Variants in LRRTM4 observed in about 807,000 individuals in gnomAD.
LRRTM4 encodes leucine-rich repeat transmembrane neuronal protein 4.
In LRRTM4, 25 loss-of-function variants were observed where a neutral mutation model predicts 47.6. The observed-to-expected ratio is 0.53, with a 90% confidence interval of 0.38 to 0.73. LRRTM4 has a LOEUF of 0.73. Ranked by LOEUF, LRRTM4 falls within the 30% of genes least tolerant of loss-of-function variation. The pLI, the probability that LRRTM4 is intolerant of heterozygous loss-of-function variation, is 0.00. For synonymous variants in LRRTM4, 311 were observed against 269.5 expected, an observed-to-expected ratio of 1.15 and a Z score of -1.51; for missense variants, 638 against 713.4, an observed-to-expected ratio of 0.89 and a Z score of 1.20.
At chr2:77,032,546 G>T (rs13420060) in intron 3 of LRRTM4, among the ~76,000 whole-genome samples, 11,519 of 151,946 alleles carry the variant, frequency 0.076, 1,015 homozygotes, top group African/African-American at 0.2. Context: ...TTGAATAATT[G>T]AATAAATAAT....
intron 3 of LRRTM4, among the ~76,000 whole-genome samples, chr2:76,928,955 G>C (rs1051610638): frequency 6.6e-6 from 1 of 152,090 alleles, no homozygotes; most frequent in Non-Finnish European, 1.5e-5. Context: ...ATGTAATATA[G>C]TATGTTCTCA....
At chr2:77,116,103 T>A (rs1056681914) in intron 3 of LRRTM4, among the ~76,000 whole-genome samples, 1 of 152,126 alleles carries the variant, frequency 6.6e-6, no homozygotes, top group Non-Finnish European at 1.5e-5. Flanking sequence ...GATAACTCAA[T>A]TTAAGAGTCT....
chr2:76,982,900 G>A (rs555919164), intron 3 of LRRTM4, among the ~76,000 whole-genome samples: 8 of 151,992 alleles, frequency 5.3e-5, no homozygotes, highest in Non-Finnish European at 1.0e-4. Context: ...AATTCTTACA[G>A]ACATGGCTCT....
rs184352429 is a variant in LRRTM4 at position 76,940,543 on chromosome 2, C to A, written c.1552-191627G>T. 2.5e-3 allele frequency among the ~76,000 whole-genome samples: 376 copies of A among 152,150 alleles called. 2 individuals carry two copies. The highest frequency in any genetic ancestry group is 0.017 in the Middle Eastern group (5 of 294). On this transcript the variant is annotated intron_variant, in intron 3 of 3. Coordinates refer to ENST00000409884, the MANE Select transcript of LRRTM4 (RefSeq NM_001134745.3). ...GGAAAAATAACGAATGGGTACTAGGCTTAACACATGGGTGACAAAATAATC... is the reference window on the plus strand; with the variant it reads ...GGAAAAATAACGAATGGGTACTAGGATTAACACATGGGTGACAAAATAATC...
At chr2:77,244,085 A>G (rs1675355395) in intron 3 of LRRTM4, among the ~76,000 whole-genome samples, 2 of 132,636 alleles carry the variant, frequency 1.5e-5, no homozygotes, top group Non-Finnish European at 3.2e-5. Flanking sequence ...CCATGTCCCT[A>G]CAAAGGACAT....
rs1438874927 is a variant in LRRTM4 at position 76,803,334 on chromosome 2, A to G, written c.1552-54418T>C. Among the ~76,000 whole-genome samples the G allele has an allele frequency of 2.0e-5, 3 of 152,178 alleles. No homozygotes were observed. The East Asian group carries it at 5.8e-4, about 29-fold the overall frequency. On this transcript the variant is annotated intron_variant, in intron 3 of 3. Transcript: ENST00000409884. ...AATAAGACAAACAAATAGCCAATTA[A>G]TATATGCAAAAATGCCCAACATTAC...
intron 3 of LRRTM4, among the ~76,000 whole-genome samples, chr2:77,116,105 TAA>T (rs896635204): frequency 6.6e-6 from 1 of 152,144 alleles, no homozygotes; most frequent in African/African-American, 2.4e-5. Context: ...TAACTCAATT[TAA>T]GAGTCTTGCC....
At chr2:77,098,583 GC>G (rs1670870115) in intron 3 of LRRTM4, among the ~76,000 whole-genome samples, 1 of 151,944 alleles carries the variant, frequency 6.6e-6, no homozygotes, top group Non-Finnish European at 1.5e-5. Context: ...AGGGCCTCTT[GC>G]TAAGGAAATA....
rs1298796419 is a variant in LRRTM4, at chr2:76,871,331, G to A, written c.1552-122415C>T. Among the ~76,000 whole-genome samples, 4 of 152,258 alleles carry A rather than the reference G, an allele frequency of 2.6e-5. No individual in the cohort carries two copies. In the East Asian group the frequency reaches 5.8e-4, roughly 22 times the overall value. On this transcript the variant is annotated intron_variant, in intron 3 of 3. Transcript: ENST00000409884. ...TCTGATATTACAGATAATGGAAAGAGCATAAATGGAGTTGAGGATTTGACC... is the reference window on the plus strand; with the variant it reads ...TCTGATATTACAGATAATGGAAAGAACATAAATGGAGTTGAGGATTTGACC...
chr2:77,199,206 A>C (rs2103895922), intron 3 of LRRTM4, among the ~76,000 whole-genome samples: 1 of 152,286 alleles, frequency 6.6e-6, no homozygotes, highest in Middle Eastern at 3.4e-3. Flanking sequence ...TAATAACAGT[A>C]TTTAAAAAAG....
At chr2:76,924,289 C>T (rs1674521674) in intron 3 of LRRTM4, among the ~76,000 whole-genome samples, 1 of 152,076 alleles carries the variant, frequency 6.6e-6, no homozygotes. Flanking sequence ...ACCAACCTGT[C>T]TTTATAAACT....
At chr2:77,476,768 T>C (rs1438601505) in intron 3 of LRRTM4, among the ~76,000 whole-genome samples, 1 of 152,156 alleles carries the variant, frequency 6.6e-6, no homozygotes, top group Non-Finnish European at 1.5e-5. Context: ...AACAATTTAC[T>C]ACAGTATATT....
chr2:76,877,451 A>G (rs1174854936), intron 3 of LRRTM4, among the ~76,000 whole-genome samples: 1 of 152,068 alleles, frequency 6.6e-6, no homozygotes, highest in Non-Finnish European at 1.5e-5. Flanking sequence ...TCAGCACTTC[A>G]CAATTGCGTG....
At chr2:77,508,299 A>G (rs1678854692) in intron 3 of LRRTM4, among the ~76,000 whole-genome samples, 1 of 152,174 alleles carries the variant, frequency 6.6e-6, no homozygotes, top group Non-Finnish European at 1.5e-5. Flanking sequence ...AGTGACACGA[A>G]TTCTTGGAGA....
intron 3 of LRRTM4, among the ~76,000 whole-genome samples, chr2:76,985,283 C>A (rs547225803): frequency 1.3e-5 from 2 of 152,096 alleles, no homozygotes; most frequent in South Asian, 2.1e-4. Flanking sequence ...AGTTCCCCAC[C>A]TGTGAATTAA....
At chr2:77,276,334 AAG>A (rs1260348183) in intron 3 of LRRTM4, among the ~76,000 whole-genome samples, 284 of 144,344 alleles carry the variant, frequency 2.0e-3, no homozygotes, top group African/African-American at 7.2e-3. Context: ...GGAAGGAAGG[AAG>A]GAAGGAAGGA....
intron 3 of LRRTM4, among the ~76,000 whole-genome samples, chr2:76,770,280 A>G (rs1004547888): frequency 2.0e-5 from 3 of 152,220 alleles, no homozygotes; most frequent in African/African-American, 4.8e-5. Flanking sequence ...TTCAAAACTC[A>G]TACAAAATAT....
chr2:77,509,723 A>G (rs193151487), intron 3 of LRRTM4, among the ~76,000 whole-genome samples: 13 of 152,314 alleles, frequency 8.5e-5, no homozygotes, highest in Middle Eastern at 6.8e-3. Flanking sequence ...TGGTTTCTGA[A>G]TAGTACCTCA....
intron 3 of LRRTM4, among the ~76,000 whole-genome samples, chr2:77,473,830 C>T (rs1314893363): frequency 1.3e-5 from 2 of 152,080 alleles, no homozygotes; most frequent in East Asian, 1.9e-4. Context: ...TTCCATTGTG[C>T]ATTTTCTCCA....
Sources: gnomAD v4.1 joint callset for allele counts (sites outside exome capture counted in the v4.1 genomes callset) on GRCh38, gnomAD v4.1.1 for gene constraint, MANE v1.5 for transcripts, NCBI Gene and HGNC (gene_info 2026-07-23, HGNC 2026-07-21) for gene names.